CEP85L: variants seen among roughly 807,000 people sequenced by gnomAD.
The protein encoded by CEP85L is centrosomal protein 85L, also known as centrosomal protein of 85 kDa-like.
CEP85L carries 60 observed loss-of-function variants against 100.3 expected under a neutral mutation model. The observed-to-expected ratio is 0.60, with a 90% CI of 0.49 to 0.74. The LOEUF is 0.74. Ranked by LOEUF, CEP85L falls within the 30% of genes least tolerant of loss-of-function variation. The pLI is 0.00. For synonymous variants in CEP85L, 319 were observed against 322.7 expected (o/e 0.99, Z 0.12); for missense variants, 973 against 936.2 (o/e 1.04, Z -0.51).
intron 2 of CEP85L, among the ~76,000 whole-genome samples, chr6:118,580,856 T>C (rs1780533881): frequency 6.6e-6 from 1 of 152,072 alleles, no homozygotes; most frequent in African/African-American, 2.4e-5. Context: ...TAACCGGGAG[T>C]TTAACTCAAG....
At chr6:118,467,217 T>C (rs538518777) in intron 12 of CEP85L, among the ~76,000 whole-genome samples, 4 of 152,184 alleles carry the variant, frequency 2.6e-5, no homozygotes, top group Non-Finnish European at 4.4e-5. Flanking sequence ...GTAAAGGAGA[T>C]AAATGTCTAG....
In CEP85L at chr6:118,537,906, A is replaced by T. The variant is rs1777686417; in HGVS notation, c.1021-13986T>A. ...GTTTCCTGGAATAGTCTATCTGAAG[A>T]GATACTCTACAAGTGTTTTCTGGTA... On this transcript the variant is annotated intron_variant, in intron 3 of 12. Transcript: ENST00000368491. The T allele has an allele frequency of 3.0e-6, 3 of 984,992 alleles. No individual in the cohort carries two copies. The South Asian group carries it at 1.4e-4, about 46-fold the overall frequency. The allele number at this position is 984,992 out of a possible 1,614,324, so 61.0% of individuals were successfully genotyped here.
chr6:118,504,380 A>G (rs1450778175), intron 5 of CEP85L, among the ~76,000 whole-genome samples: 2 of 151,368 alleles, frequency 1.3e-5, no homozygotes, highest in South Asian at 2.1e-4. Context: ...GTCTCAAAAA[A>G]AGAAAAAAAA....
chr6:118,490,415 C>T (rs1469599134), intron 6 of CEP85L, among the ~76,000 whole-genome samples: 1 of 152,102 alleles, frequency 6.6e-6, no homozygotes, highest in Non-Finnish European at 1.5e-5. Flanking sequence ...ATGACTGGAT[C>T]CTTTGTTGTT....
chr6:118,485,188 T>G (rs1774089668), intron 6 of CEP85L, among the ~76,000 whole-genome samples: 1 of 152,222 alleles, frequency 6.6e-6, no homozygotes, highest in Admixed American at 6.5e-5. Context: ...CTATTTACCT[T>G]AAATTAACAA....
At chr6:118,594,881 CAA>C (rs34433072) in intron 2 of CEP85L, among the ~76,000 whole-genome samples, 4 of 134,912 alleles carry the variant, frequency 3.0e-5, no homozygotes, top group African/African-American at 8.2e-5. Context: ...CAAAACAAAA[CAA>C]AAAAAAAAAA....
rs1170124781 is a variant in CEP85L, at chr6:118,651,396, G to A, written c.-127C>T. The A allele has an allele frequency of 1.9e-5, 26 of 1,356,440 alleles. No individual in the cohort carries two copies. The East Asian group carries it at 8.1e-4, about 42-fold the overall frequency. The allele number at this position is 1,356,440 out of a possible 1,614,324, so 84.0% of individuals were successfully genotyped here. On this transcript the variant is annotated 5_prime_UTR_variant, in exon 1 of 13. Coordinates refer to ENST00000368491, the MANE Select transcript of CEP85L (RefSeq NM_001042475.3). ...ACACGGGCAGGAGGAAAGGCGGGAT[G>A]GCTGGTTAACGGCTGCTCAGCTACG...
intron 2 of CEP85L, among the ~76,000 whole-genome samples, chr6:118,585,653 T>A (rs754256648): frequency 5.9e-5 from 9 of 152,194 alleles, no homozygotes; most frequent in Non-Finnish European, 1.2e-4. Flanking sequence ...GGAAAGTCCT[T>A]AAAGTGCTTC....
intron 2 of CEP85L, among the ~76,000 whole-genome samples, chr6:118,593,439 G>C (rs899208290): frequency 6.6e-6 from 1 of 151,902 alleles, no homozygotes; most frequent in African/African-American, 2.4e-5. Context: ...GGAAGGCAAA[G>C]CAGGAGTAGG....
intron 2 of CEP85L, among the ~76,000 whole-genome samples, chr6:118,626,783 AC>A (rs1169451228): frequency 6.6e-6 from 1 of 152,230 alleles, no homozygotes; most frequent in Non-Finnish European, 1.5e-5. Flanking sequence ...GTGGCTAGGC[AC>A]AGAACCTTGG....
At chr6:118,598,507 G>A (rs1583138625) in intron 2 of CEP85L, among the ~76,000 whole-genome samples, 1 of 152,178 alleles carries the variant, frequency 6.6e-6, no homozygotes, top group Admixed American at 6.5e-5. Context: ...CCTATATGGA[G>A]AGAGAAAAGA....
intron 1 of CEP85L, among the ~76,000 whole-genome samples, chr6:118,645,960 C>T (rs1775158063): frequency 6.6e-6 from 1 of 152,158 alleles, no homozygotes; most frequent in Non-Finnish European, 1.5e-5. Context: ...TGGCTCACGC[C>T]TTAATCCCAG....
At chr6:118,672,317 C>T (rs1184329181) in intron 1 of CEP85L, among the ~76,000 whole-genome samples, 5 of 152,252 alleles carry the variant, frequency 3.3e-5, no homozygotes, top group East Asian at 3.9e-4. Flanking sequence ...GGATTGCAGG[C>T]GTGAGCCACT....
chr6:118,703,436 C>T (rs1777492168), intron 1 of CEP85L, among the ~76,000 whole-genome samples: 1 of 152,180 alleles, frequency 6.6e-6, no homozygotes, highest in Non-Finnish European at 1.5e-5. Context: ...GAACTCTTAG[C>T]CTCAAGTGAG....
At chr6:118,486,070 C>G (rs1774159383) in intron 6 of CEP85L, among the ~76,000 whole-genome samples, 1 of 152,200 alleles carries the variant, frequency 6.6e-6, no homozygotes, top group African/African-American at 2.4e-5. Context: ...CCAACACTCT[C>G]CTACGAGACA....
intron 5 of CEP85L, among the ~76,000 whole-genome samples, chr6:118,496,516 G>A (rs756407090): frequency 5.3e-5 from 8 of 151,980 alleles, no homozygotes; most frequent in African/African-American, 1.9e-4. Flanking sequence ...CACCAAGCCC[G>A]GCTAATTTTT....
At chr6:118,571,368 G>C (rs1779877698) in intron 2 of CEP85L, among the ~76,000 whole-genome samples, 1 of 152,176 alleles carries the variant, frequency 6.6e-6, no homozygotes. Context: ...TTGACAGTAG[G>C]CATAGATGAG....
At chr6:118,535,699 T>C (rs559615329) in intron 3 of CEP85L, among the ~76,000 whole-genome samples, 148 of 152,288 alleles carry the variant, frequency 9.7e-4, no homozygotes, top group African/African-American at 3.3e-3. Context: ...AGTGCCATCT[T>C]GGTTAAAGGA....
At chr6:118,642,330 G>A (rs1032336251) in intron 1 of CEP85L, among the ~76,000 whole-genome samples, 8 of 152,196 alleles carry the variant, frequency 5.3e-5, no homozygotes, top group South Asian at 2.1e-4. Flanking sequence ...GTAGCAAAAC[G>A]GGGAGGTGAA....
Sources: gnomAD v4.1 joint callset for allele counts (sites outside exome capture counted in the v4.1 genomes callset) on GRCh38, gnomAD v4.1.1 for gene constraint, MANE v1.5 for transcripts, NCBI Gene and HGNC (gene_info 2026-07-23, HGNC 2026-07-21) for gene names.